Variants in LRRFIP1 observed in about 807,000 individuals in gnomAD.
LRRFIP1 encodes LRR binding FLII interacting protein 1.
LRRFIP1 carries 62 observed loss-of-function variants against 104.4 expected under a neutral mutation model. The ratio of observed to expected loss-of-function variants is 0.59; its 90% CI spans 0.48 to 0.73. LRRFIP1 has a LOEUF of 0.73. Ranked by LOEUF, LRRFIP1 falls within the 30% of genes least tolerant of loss-of-function variation. The probability of loss-of-function intolerance (pLI) is 0.00; values close to 1 mark genes in which losing one functional copy is unlikely to be tolerated. For missense variants in LRRFIP1, 796 were observed against 824.5 expected, an observed-to-expected ratio of 0.97 and a Z score of 0.42; for synonymous variants, 300 against 299.0, an observed-to-expected ratio of 1.00 and a Z score of -0.03.
intron 1 of LRRFIP1, among the ~76,000 whole-genome samples, chr2:237,628,554 G>A (rs1435374090): frequency 6.6e-6 from 1 of 152,166 alleles, no homozygotes; most frequent in Non-Finnish European, 1.5e-5. Flanking sequence ...ATAGGTTGCG[G>A]CCCCAGGGGG....
rs531812217 is a variant in LRRFIP1, at chr2:237,735,415, G to A, written c.555+82G>A. 265 of 1,328,586 alleles carry A rather than the reference G, an allele frequency of 2.0e-4. 2 individuals are homozygous for A. The Admixed American group carries it at 6.3e-3, about 31-fold the overall frequency. 82.3% of individuals were successfully genotyped at this position (1,328,586 alleles called of 1,614,324 possible). Reference sequence around the variant, plus strand: ...TGCTCGCTGGGCAGGGTCCAGCCGTGGGGGGTGACTGGCCATTCTCAGGAG... The same window carrying A: ...TGCTCGCTGGGCAGGGTCCAGCCGTAGGGGGTGACTGGCCATTCTCAGGAG... On this transcript the variant is annotated intron_variant, in intron 10 of 23. Transcript: ENST00000308482. This position sits in a 1 kb window ranked among gnomAD's most constrained non-coding sequence, Gnocchi z 4.6.
intron 8 of LRRFIP1, among the ~76,000 whole-genome samples, chr2:237,728,428 G>C (rs931250137): frequency 3.3e-5 from 5 of 151,578 alleles, no homozygotes; most frequent in South Asian, 2.1e-4. Flanking sequence ...AAGGCTCCCA[G>C]TTAAGGGGTG....
intron 1 of LRRFIP1, among the ~76,000 whole-genome samples, chr2:237,665,739 G>A (rs566844929): frequency 6.6e-6 from 1 of 152,286 alleles, no homozygotes; most frequent in East Asian, 1.9e-4. Context: ...TGAAACTTCT[G>A]CAGTCTGGGT....
Position 237,627,612 on chromosome 2 carries a change from C to G in LRRFIP1, c.-33C>G, listed in dbSNP as rs10170083. 528,607 of 1,220,994 alleles carry G rather than the reference C, an allele frequency of 0.43. 116,140 individuals are homozygous for G. The highest frequency in any genetic ancestry group is 0.46 in the South Asian group (20,194 of 44,006). 75.6% of individuals were successfully genotyped at this position (1,220,994 alleles called of 1,614,324 possible). On this transcript the variant is annotated 5_prime_UTR_variant, in exon 1 of 24. Transcript: ENST00000308482. ...GGGGCGGCGCGAGCGGCTGGAGCAA[C>G]GGGCCCCGCGGCAGCTGCGGGCGAC...
intron 1 of LRRFIP1, among the ~76,000 whole-genome samples, chr2:237,656,787 G>T (rs906051340): frequency 1.3e-5 from 2 of 152,174 alleles, no homozygotes; most frequent in Non-Finnish European, 2.9e-5. Flanking sequence ...AAAATTAAAT[G>T]TGCCTTGTGT....
intron 1 of LRRFIP1, among the ~76,000 whole-genome samples, chr2:237,665,505 C>CT (rs1210805288): frequency 1.1e-4 from 16 of 152,230 alleles, no homozygotes; most frequent in Non-Finnish European, 2.2e-4. Context: ...AATTTGATGC[C>CT]TTTTTATTAT....
chr2:237,670,413 C>G (rs1348237940), intron 1 of LRRFIP1, among the ~76,000 whole-genome samples: 1 of 152,186 alleles, frequency 6.6e-6, no homozygotes, highest in Non-Finnish European at 1.5e-5. Context: ...TTTATTTGTT[C>G]TGTGAAAGCC....
intron 1 of LRRFIP1, among the ~76,000 whole-genome samples, chr2:237,672,374 C>T (rs1257015957): frequency 6.6e-6 from 1 of 152,104 alleles, no homozygotes; most frequent in Non-Finnish European, 1.5e-5. Flanking sequence ...GATCGATGCC[C>T]CAGCTTCTTG....
At chr2:237,740,157 G>A (rs2095370488) in intron 11 of LRRFIP1, among the ~76,000 whole-genome samples, 1 of 151,974 alleles carries the variant, frequency 6.6e-6, no homozygotes, top group African/African-American at 2.4e-5. Context: ...TGTAATCCCA[G>A]CGTCATGGGA....
rs930270955 is a variant in LRRFIP1 at position 237,692,613 on chromosome 2, G to A, written c.97-15931G>A. 5.9e-6 allele frequency: 8 copies of A among 1,357,584 alleles called. No homozygotes were observed. The Admixed American group carries it at 1.2e-4, about 20-fold the overall frequency. The allele number at this position is 1,357,584 out of a possible 1,614,324, so 84.1% of individuals were successfully genotyped here. ...GTTCCGAGGTCAATGGCAGGCGCAG[G>A]TGCCCGGGAGGCGTGGGGTGGGCTC... On this transcript the variant is annotated intron_variant, in intron 1 of 23. Transcript: ENST00000308482.
intron 1 of LRRFIP1, among the ~76,000 whole-genome samples, chr2:237,641,331 G>A (rs1043652833): frequency 6.6e-6 from 1 of 151,776 alleles, no homozygotes; most frequent in Admixed American, 6.6e-5. Context: ...GGCCAACATG[G>A]TGAAACCCCA....
chr2:237,680,131 C>A (rs1001884094), intron 1 of LRRFIP1, among the ~76,000 whole-genome samples: 5 of 152,132 alleles, frequency 3.3e-5, no homozygotes, highest in African/African-American at 1.2e-4. Context: ...CCCTTTGTGT[C>A]TGTGGGTTCC....
intron 1 of LRRFIP1, among the ~76,000 whole-genome samples, chr2:237,701,920 A>G (rs3769100): frequency 0.25 from 38,558 of 152,130 alleles, 5,131 homozygotes; most frequent in East Asian, 0.36. Context: ...GCATGGGTCC[A>G]TGCAGCCCAG....
intron 19 of LRRFIP1, chr2:237,768,405 C>G (rs2060372758): frequency 6.6e-6 from 1 of 152,176 alleles, no homozygotes; most frequent in Admixed American, 6.5e-5. Flanking sequence ...AAAACAATAA[C>G]AATTGTACAA....
At chr2:237,762,873 A>C (rs555288301) in intron 19 of LRRFIP1, 1 of 1,614,204 alleles carries the variant, frequency 6.2e-7, no homozygotes, top group African/African-American at 1.3e-5. Flanking sequence ...AACACAGTAC[A>C]GGTTGAGTCA....
At chr2:237,725,740 G>A (rs113141168) in intron 7 of LRRFIP1, among the ~76,000 whole-genome samples, 11 of 152,168 alleles carry the variant, frequency 7.2e-5, no homozygotes, top group African/African-American at 2.4e-4. Flanking sequence ...CCAGGTTTTC[G>A]TAGAAGGCTG....
chr2:237,769,980 CT>C lies in LRRFIP1; in HGVS notation c.1499del (p.Leu500TyrfsTer21). On this transcript the variant is annotated frameshift_variant, in exon 20 of 24. Transcript: ENST00000308482. LOFTEE classifies it high-confidence loss of function. Reference sequence around the variant, plus strand: ...AAAAGCTGGTTGATGAACGGGAATGCTTATTGGAACAGGTAACAATCTTTTT... The same window carrying C: ...AAAAGCTGGTTGATGAACGGGAATGCTATTGGAACAGGTAACAATCTTTTT... ...LKKLVDEREC[L>X]LEQIKKLKGQ... 1 of 1,603,894 alleles carries C rather than the reference CT, an allele frequency of 6.2e-7. No homozygotes were observed. The highest frequency in any genetic ancestry group is 8.5e-7 in the Non-Finnish European group (1 of 1,174,474).
intron 8 of LRRFIP1, among the ~76,000 whole-genome samples, chr2:237,730,285 C>T (rs1306964299): frequency 6.6e-6 from 1 of 152,232 alleles, no homozygotes; most frequent in African/African-American, 2.4e-5. Flanking sequence ...TCCAAATCCA[C>T]ATGTTTACAC....
intron 1 of LRRFIP1, among the ~76,000 whole-genome samples, chr2:237,659,307 G>A (rs1450826570): frequency 6.6e-6 from 1 of 151,384 alleles, no homozygotes; most frequent in Non-Finnish European, 1.5e-5. Flanking sequence ...TGTTGCCCAG[G>A]CTTGTCTCAA....
Sources: allele counts gnomAD v4.1 joint callset (sites outside exome capture counted in the v4.1 genomes callset), GRCh38; gene constraint gnomAD v4.1.1; non-coding constraint Gnocchi (gnomAD v3.1); transcripts MANE v1.5; gene names NCBI Gene and HGNC (gene_info 2026-07-23, HGNC 2026-07-21).